Variants in ITGBL1 observed in about 807,000 individuals in gnomAD.
ITGBL1 encodes integrin subunit beta like 1.
A neutral mutation model predicts 68.5 loss-of-function variants in ITGBL1; 51 were observed. The observed-to-expected ratio is 0.74, with a 90% confidence interval of 0.59 to 0.94. The LOEUF is 0.94. Among genes scored for constraint, ITGBL1 ranks in the 40% least tolerant of loss-of-function variants. The probability of loss-of-function intolerance (pLI) is 0.00; values close to 1 mark genes in which losing one functional copy is unlikely to be tolerated. For missense variants in ITGBL1, 649 were observed against 647.4 expected (o/e 1.00, Z -0.03); for synonymous variants, 209 against 227.3 (o/e 0.92, Z 0.72).
At chr13:101,509,113 C>T (rs946750093) in intron 2 of ITGBL1, among the ~76,000 whole-genome samples, 37 of 152,232 alleles carry the variant, frequency 2.4e-4, no homozygotes, top group African/African-American at 7.0e-4. Flanking sequence ...CTTATAGTTC[C>T]GCATGGCTGG....
At chr13:101,577,600 T>C (rs2050384163) in intron 4 of ITGBL1, among the ~76,000 whole-genome samples, 1 of 152,214 alleles carries the variant, frequency 6.6e-6, no homozygotes. Flanking sequence ...TATCATTTAT[T>C]AATATAGTAA....
At chr13:101,624,941 G>A (rs554112451) in intron 7 of ITGBL1, among the ~76,000 whole-genome samples, 12 of 152,198 alleles carry the variant, frequency 7.9e-5, no homozygotes, top group Middle Eastern at 3.4e-3. Flanking sequence ...GAGGTTTTGC[G>A]GTACAGCTTT....
intron 7 of ITGBL1, among the ~76,000 whole-genome samples, chr13:101,678,970 C>T (rs540361934): frequency 1.3e-5 from 2 of 151,366 alleles, no homozygotes; most frequent in African/African-American, 4.9e-5. Context: ...GGCTAGAGTG[C>T]AGTGGTGTGA....
chr13:101,474,631 G>T (rs748792589), intron 2 of ITGBL1, among the ~76,000 whole-genome samples: 41 of 152,142 alleles, frequency 2.7e-4, no homozygotes, highest in Non-Finnish European at 7.3e-5. Context: ...CTAGTACCAT[G>T]CTGGCTTTGG....
At chr13:101,605,860 A>G (rs1321211614) in intron 7 of ITGBL1, among the ~76,000 whole-genome samples, 1 of 150,344 alleles carries the variant, frequency 6.7e-6, no homozygotes, top group Non-Finnish European at 1.5e-5. Flanking sequence ...GTATGTGTGT[A>G]TATGTGTATA....
intron 2 of ITGBL1, among the ~76,000 whole-genome samples, chr13:101,468,234 A>G (rs9300666): frequency 0.034 from 5,149 of 152,280 alleles, 292 homozygotes; most frequent in African/African-American, 0.12. Flanking sequence ...TGACATGGAA[A>G]TAATTCACTT....
chr13:101,638,942 A>T (rs2032269352), intron 7 of ITGBL1, among the ~76,000 whole-genome samples: 1 of 152,192 alleles, frequency 6.6e-6, no homozygotes, highest in African/African-American at 2.4e-5. Flanking sequence ...GTTTTACTTA[A>T]CTGTATTTAT....
At chr13:101,662,310 T>A (rs964615645) in intron 7 of ITGBL1, among the ~76,000 whole-genome samples, 6 of 152,222 alleles carry the variant, frequency 3.9e-5, no homozygotes, top group Non-Finnish European at 5.9e-5. Flanking sequence ...ACTTTGTTTT[T>A]ATTCTTCCAT....
At chr13:101,520,485 G>A (rs1480701251) in intron 2 of ITGBL1, among the ~76,000 whole-genome samples, 2 of 152,118 alleles carry the variant, frequency 1.3e-5, no homozygotes, top group Non-Finnish European at 2.9e-5. Context: ...AATTGAAGAA[G>A]TAATCATCTG....
At chr13:101,700,907 A>G (rs2034121443) in intron 8 of ITGBL1, among the ~76,000 whole-genome samples, 1 of 152,100 alleles carries the variant, frequency 6.6e-6, no homozygotes, top group South Asian at 2.1e-4. Context: ...TGAATATACT[A>G]GCATTTTCTT....
At position 101,510,362 on chromosome 13, in the gene ITGBL1, A is replaced by T. The variant is rs1450500688; in HGVS notation, c.316+56262A>T. ...ATTTCATTCTTTTTTATGGTTGTGTAGTATTCTATGCTATATATGTACCAT... is the reference window on the plus strand; with the variant it reads ...ATTTCATTCTTTTTTATGGTTGTGTTGTATTCTATGCTATATATGTACCAT... On this transcript the variant is annotated intron_variant, in intron 2 of 10. Transcript: ENST00000376180. Among the ~76,000 whole-genome samples the T allele has an allele frequency of 2.0e-5, 3 of 152,074 alleles. No individual in the cohort carries two copies. The East Asian group carries it at 5.8e-4, about 29-fold the overall frequency.
intron 2 of ITGBL1, among the ~76,000 whole-genome samples, chr13:101,555,068 T>C (rs958083495): frequency 1.3e-5 from 2 of 152,218 alleles, no homozygotes; most frequent in African/African-American, 2.4e-5. Flanking sequence ...TTCTGACATA[T>C]GTTTTTCCTT....
chr13:101,717,105 T>G (rs2034753363), downstream of ITGBL1: 1 of 152,130 alleles, frequency 6.6e-6, no homozygotes, highest in South Asian at 2.1e-4. Context: ...GATGAAAATT[T>G]TTACTTGGAA....
At chr13:101,678,149 C>A (rs1361991621) in intron 7 of ITGBL1, among the ~76,000 whole-genome samples, 1 of 152,180 alleles carries the variant, frequency 6.6e-6, no homozygotes, top group Non-Finnish European at 1.5e-5. Context: ...ATAAGTTGCT[C>A]ACATGAATTT....
intron 6 of ITGBL1, among the ~76,000 whole-genome samples, chr13:101,585,103 C>A (rs902551560): frequency 2.6e-5 from 4 of 152,054 alleles, no homozygotes; most frequent in Admixed American, 6.6e-5. Flanking sequence ...GGGCTTTTTA[C>A]CTTCCTGCAG....
At chr13:101,590,240 CAT>C (rs1470384769) in intron 6 of ITGBL1, among the ~76,000 whole-genome samples, 1 of 152,094 alleles carries the variant, frequency 6.6e-6, no homozygotes, top group Non-Finnish European at 1.5e-5. Flanking sequence ...TATTCTGCCA[CAT>C]GTTTTTAAAG....
chr13:101,483,419 C>G (rs1341553462), intron 2 of ITGBL1, among the ~76,000 whole-genome samples: 1 of 152,182 alleles, frequency 6.6e-6, no homozygotes, highest in Non-Finnish European at 1.5e-5. Flanking sequence ...AGCAAAGATT[C>G]AGTTGTTTCA....
At chr13:101,715,403 G>T (rs2034671902) in intron 10 of ITGBL1, 160 bp from the exon 11 acceptor site, 2 of 631,278 alleles carry the variant, frequency 3.2e-6, no homozygotes, top group Admixed American at 5.3e-5. Context: ...ATGTCTCGCA[G>T]CTGCTTAATA....
intron 7 of ITGBL1, among the ~76,000 whole-genome samples, chr13:101,604,886 A>G (rs1450449157): frequency 1.6e-5 from 1 of 64,136 alleles, no homozygotes; most frequent in African/African-American, 5.6e-5. Flanking sequence ...ATATATATAT[A>G]TACACACACA....
Sources: allele counts gnomAD v4.1 joint callset (sites outside exome capture counted in the v4.1 genomes callset), GRCh38; gene constraint gnomAD v4.1.1; transcripts MANE v1.5; gene names NCBI Gene and HGNC (gene_info 2026-07-23, HGNC 2026-07-21).